Variants in OR51B5 observed in about 807,000 individuals in gnomAD.
The protein encoded by OR51B5 is olfactory receptor 51B5.
For synonymous variants in OR51B5, 186 were observed against 144.8 expected (o/e 1.28, Z -2.04); for missense variants, 456 against 374.6 (o/e 1.22, Z -1.79).
intron 1 of OR51B5, among the ~76,000 whole-genome samples, chr11:5,473,167 C>A (rs1336879999): frequency 5.3e-5 from 8 of 152,182 alleles, no homozygotes; most frequent in African/African-American, 1.9e-4. Flanking sequence ...ACATTGTAAA[C>A]ACTTATTAAA....
chr11:5,474,446 G>A (rs1222864465), intron 1 of OR51B5, among the ~76,000 whole-genome samples: 1 of 152,042 alleles, frequency 6.6e-6, no homozygotes, highest in Non-Finnish European at 1.5e-5. Context: ...AGCCTGCTAA[G>A]TACCATGATT....
At chr11:5,341,861 A>AAGAT (rs1355428322), downstream of OR51B5, among the ~76,000 whole-genome samples, 1 of 152,190 alleles carries the variant, frequency 6.6e-6, no homozygotes, top group Non-Finnish European at 1.5e-5. Context: ...GAATGAGAGC[A>AAGAT]AGATAGAAGG....
intron 1 of OR51B5, among the ~76,000 whole-genome samples, chr11:5,472,528 T>A (rs1851243623): frequency 6.6e-6 from 1 of 152,156 alleles, no homozygotes; most frequent in African/African-American, 2.4e-5. Context: ...AGCTGCGTCT[T>A]CAGAGTCCCC....
chr11:5,474,176 C>A (rs2133803198), intron 1 of OR51B5, among the ~76,000 whole-genome samples: 1 of 152,082 alleles, frequency 6.6e-6, no homozygotes, highest in East Asian at 1.9e-4. Flanking sequence ...ATATTCAAAG[C>A]ACCTATGAGT....
intron 1 of OR51B5, chr11:5,422,633 A>G: frequency 6.2e-7 from 1 of 1,613,986 alleles, no homozygotes; most frequent in Non-Finnish European, 8.5e-7. Flanking sequence ...AGTCATTGGT[A>G]GAACTGGGTT....
intron 1 of OR51B5, among the ~76,000 whole-genome samples, chr11:5,363,890 C>A (rs2467233): frequency 0.16 from 23,798 of 152,200 alleles, 2,192 homozygotes; most frequent in Non-Finnish European, 0.21. Context: ...CCCCAGCCCC[C>A]ACTCAGCATG....
intron 1 of OR51B5, chr11:5,453,703 C>T (rs1850895060): frequency 1.2e-6 from 2 of 1,613,736 alleles, no homozygotes; most frequent in African/African-American, 1.3e-5. Flanking sequence ...AGTGATGTGG[C>T]CATATCCATG....
chr11:5,423,047 C>T (rs1418476373), intron 1 of OR51B5: 1 of 1,614,104 alleles, frequency 6.2e-7, no homozygotes, highest in East Asian at 2.2e-5. Context: ...CAATATCTAC[C>T]TGCTGGCACC....
chr11:5,370,306 T>C (rs534988684), intron 1 of OR51B5, among the ~76,000 whole-genome samples: 1 of 152,346 alleles, frequency 6.6e-6, no homozygotes, highest in African/African-American at 2.4e-5. Flanking sequence ...TTATGCTGAC[T>C]GTCCAGGATT....
At chr11:5,366,819 A>T (rs1486708746) in intron 1 of OR51B5, among the ~76,000 whole-genome samples, 3 of 152,198 alleles carry the variant, frequency 2.0e-5, no homozygotes. Flanking sequence ...TGTATTGATG[A>T]CTAATTCCAA....
intron 1 of OR51B5, among the ~76,000 whole-genome samples, chr11:5,371,431 A>T (rs1017561491): frequency 1.3e-5 from 2 of 152,158 alleles, no homozygotes; most frequent in African/African-American, 4.8e-5. Context: ...AGAATGAACA[A>T]AATGACCAGA....
chr11:5,469,103 T>G, intron 1 of OR51B5: 1 of 232,644 alleles, frequency 4.3e-6, no homozygotes, highest in Admixed American at 5.4e-5. Context: ...GGAGGAAAAG[T>G]GGATGAAGAA....
intron 1 of OR51B5, among the ~76,000 whole-genome samples, chr11:5,418,469 C>T (rs1015888098): frequency 1.3e-5 from 2 of 151,470 alleles, no homozygotes; most frequent in Non-Finnish European, 2.9e-5. Context: ...AAAAAAGCAC[C>T]GAACCAATCC....
chr11:5,505,373 G>A (rs1264355978), intron 1 of OR51B5: 1 of 1,304,132 alleles, frequency 7.7e-7, no homozygotes, highest in Admixed American at 2.3e-5. Flanking sequence ...AGAAAATGGA[G>A]AGGCAAGACT....
intron 1 of OR51B5, among the ~76,000 whole-genome samples, chr11:5,364,959 GA>G (rs11291274): frequency 0.27 from 40,551 of 151,798 alleles, 5,624 homozygotes; most frequent in African/African-American, 0.32. Flanking sequence ...GAGAGAGAGG[GA>G]AAAAAATGAA....
chr11:5,424,963 C>G (rs1329527188), intron 1 of OR51B5, among the ~76,000 whole-genome samples: 2 of 79,134 alleles, frequency 2.5e-5, no homozygotes, highest in Non-Finnish European at 5.5e-5. Context: ...GCCTGGGCGA[C>G]AGAGTGAGAC....
At position 5,454,165 on chromosome 11, in the gene OR51B5, T is replaced by C. The variant is rs200182362; in HGVS notation, n.84+51404A>G. The C allele has an allele frequency of 9.8e-5, 158 of 1,614,050 alleles. 4 individuals carry two copies. The South Asian group carries it at 1.5e-3, about 15-fold the overall frequency. The stretch of plus-strand genomic sequence containing the variant: ...TATGTGCTCATTCTGCGTTCTGTCA[T>C]GGCCACTGCTTCCCGTGAGGAACGC... On this transcript the variant is annotated intron_variant and non_coding_transcript_variant, in intron 1 of 4. Coordinates refer to the OR51B5 transcript ENST00000415970.
At chr11:5,385,199 C>T (rs916745145) in intron 1 of OR51B5, among the ~76,000 whole-genome samples, 2 of 152,140 alleles carry the variant, frequency 1.3e-5, no homozygotes, top group African/African-American at 4.8e-5. Flanking sequence ...GAGTGGACTC[C>T]TCCATTGCTT....
At chr11:5,372,361 G>T (rs747298331) in intron 1 of OR51B5, among the ~76,000 whole-genome samples, 2 of 152,024 alleles carry the variant, frequency 1.3e-5, no homozygotes, top group South Asian at 4.1e-4. Flanking sequence ...TTCTATAATG[G>T]CTATGTTAAC....
Sources: allele counts gnomAD v4.1 joint callset (sites outside exome capture counted in the v4.1 genomes callset), GRCh38; gene constraint gnomAD v4.1.1; transcripts MANE v1.5; gene names NCBI Gene and HGNC (gene_info 2026-07-23, HGNC 2026-07-21).